The following ITPR2 variants were observed in gnomAD, a reference collection of about 807,000 sequenced individuals.
ITPR2 encodes inositol 1,4,5-trisphosphate receptor type 2.
In ITPR2, 207 loss-of-function variants were observed where a neutral mutation model predicts 317.1. The ratio of observed to expected loss-of-function variants is 0.65; its 90% CI spans 0.58 to 0.73. The LOEUF is 0.73. ITPR2 is among the 30% of genes least tolerant of loss of function. The pLI, the probability that ITPR2 is intolerant of heterozygous loss-of-function variation, is 0.00. For missense variants in ITPR2, 2,613 were observed against 3,284.0 expected (o/e 0.80, Z 4.99); for synonymous variants, 1,156 against 1,149.1 (o/e 1.01, Z -0.12).
At chr12:26,484,748 A>G (rs569536784) in intron 41 of ITPR2, among the ~76,000 whole-genome samples, 256 of 152,240 alleles carry the variant, frequency 1.7e-3, no homozygotes, top group African/African-American at 5.8e-3. Context: ...GTCTCACTCT[A>G]TCACCCAGGC....
At chr12:26,696,992 G>C (rs908066850) in intron 9 of ITPR2, among the ~76,000 whole-genome samples, 3 of 152,200 alleles carry the variant, frequency 2.0e-5, no homozygotes, top group African/African-American at 7.2e-5. Context: ...GAGAAGCATG[G>C]TGTGAAGAGA....
At chr12:26,401,710 C>G (rs530220634) in intron 52 of ITPR2, among the ~76,000 whole-genome samples, 1 of 152,324 alleles carries the variant, frequency 6.6e-6, no homozygotes, top group African/African-American at 2.4e-5. Context: ...AAGAACAATT[C>G]AGTCCAACTT....
intron 21 of ITPR2, chr12:26,648,952 G>C (rs751218367): frequency 3.3e-5 from 5 of 152,100 alleles, no homozygotes; most frequent in Non-Finnish European, 7.4e-5. Flanking sequence ...AGAGAACCCA[G>C]CTATAATATT....
chr12:26,631,853 T>C lies in ITPR2; in HGVS notation c.2934+13A>G. 6.2e-7 allele frequency: 1 copy of C among 1,611,114 alleles called. No individual in the cohort carries two copies. Among genetic ancestry groups the C allele is most frequent in the Non-Finnish European group, 8.5e-7 (1 of 1,178,222 alleles). Reference sequence around the variant, plus strand: ...TTACATCTTTGTCACCTAGCTTCTGTTAGGCAACACACCTGCAAAATCTCA... The same window carrying C: ...TTACATCTTTGTCACCTAGCTTCTGCTAGGCAACACACCTGCAAAATCTCA... On this transcript the variant is annotated intron_variant, in intron 22 of 56. Transcript: ENST00000381340.
chr12:26,709,223 T>C (rs1314082373), intron 9 of ITPR2, among the ~76,000 whole-genome samples: 1 of 152,238 alleles, frequency 6.6e-6, no homozygotes, highest in Non-Finnish European at 1.5e-5. Context: ...GTTACACTAG[T>C]TAAAATCAGT....
intron 13 of ITPR2, among the ~76,000 whole-genome samples, chr12:26,678,451 A>G (rs1314505912): frequency 2.0e-5 from 3 of 152,176 alleles, no homozygotes; most frequent in African/African-American, 7.2e-5. Flanking sequence ...CCAACAACAC[A>G]GGCTTTTTGA....
intron 26 of ITPR2, among the ~76,000 whole-genome samples, chr12:26,615,235 A>C (rs1591964058): frequency 6.6e-6 from 1 of 152,240 alleles, no homozygotes; most frequent in African/African-American, 2.4e-5. Flanking sequence ...GAGTTACCAC[A>C]TACAGACCAT....
At chr12:26,743,655 G>A (rs1489472508) in intron 2 of ITPR2, among the ~76,000 whole-genome samples, 2 of 152,122 alleles carry the variant, frequency 1.3e-5, no homozygotes, top group Admixed American at 6.5e-5. Flanking sequence ...CACTTTGGGA[G>A]GCCGAGGCGG....
chr12:26,351,631 G>A (rs1463663604), intron 55 of ITPR2, among the ~76,000 whole-genome samples: 1 of 152,026 alleles, frequency 6.6e-6, no homozygotes, highest in African/African-American at 2.4e-5. Flanking sequence ...CTCCAGCCTG[G>A]GTGACACGGT....
chr12:26,674,785 G>A (rs1227297298), intron 13 of ITPR2, among the ~76,000 whole-genome samples: 5 of 151,984 alleles, frequency 3.3e-5, no homozygotes, highest in Admixed American at 6.6e-5. Context: ...GAAAATTTTC[G>A]CAACCTACTC....
intron 9 of ITPR2, among the ~76,000 whole-genome samples, chr12:26,699,248 A>G (rs1948402088): frequency 6.6e-6 from 1 of 152,160 alleles, no homozygotes; most frequent in Admixed American, 6.5e-5. Context: ...GCCCTCTGAA[A>G]CTTAGATCAT....
At chr12:26,451,266 G>A (rs1399451641) in intron 45 of ITPR2, among the ~76,000 whole-genome samples, 1 of 151,920 alleles carries the variant, frequency 6.6e-6, no homozygotes, top group East Asian at 1.9e-4. Flanking sequence ...AGACTCTTGA[G>A]TACCCTGCAA....
At position 26,452,061 on chromosome 12, in the gene ITPR2, C is replaced by T. The variant is rs117074957; in HGVS notation, c.6343-8411G>A. Among the ~76,000 whole-genome samples, 575 of 152,168 alleles carry T rather than the reference C, an allele frequency of 3.8e-3. 3 individuals are homozygous for T. Among genetic ancestry groups the T allele is most frequent in the Admixed American group, 6.2e-3 (95 of 15,282 alleles). On this transcript the variant is annotated intron_variant, in intron 45 of 56. Transcript: ENST00000381340. The stretch of plus-strand genomic sequence containing the variant: ...TGTTAGAAATGCAAGTTCTCTGGCC[C>T]GACCTCAAGCCTCCCAAATCAGAAA...
At chr12:26,771,127 A>G (rs1949833682) in intron 2 of ITPR2, among the ~76,000 whole-genome samples, 1 of 152,162 alleles carries the variant, frequency 6.6e-6, no homozygotes, top group Non-Finnish European at 1.5e-5. Flanking sequence ...TGCATAGACC[A>G]TTTTTCCTAA....
At chr12:26,391,678 C>A (rs561785674) in intron 54 of ITPR2, among the ~76,000 whole-genome samples, 41 of 150,514 alleles carry the variant, frequency 2.7e-4, no homozygotes, top group Non-Finnish European at 5.2e-4. Context: ...GATTCTCCTG[C>A]CTCAGCCTCC....
rs1937971562 is a variant in ITPR2, at chr12:26,337,879, C to T, written c.*1518G>A. Reference sequence around the variant, plus strand: ...CAGTATGTGGAAGGATTGGTTCAGGCTTCCTTTATATTCTACATAGATCTT... The same window carrying T: ...CAGTATGTGGAAGGATTGGTTCAGGTTTCCTTTATATTCTACATAGATCTT... On this transcript the variant is annotated 3_prime_UTR_variant, in exon 57 of 57. Coordinates refer to ENST00000381340, the MANE Select transcript of ITPR2 (RefSeq NM_002223.4). The T allele has an allele frequency of 6.6e-6, 1 of 152,296 alleles. No individual in the cohort carries two copies. Among genetic ancestry groups the T allele is most frequent in the South Asian group, 2.1e-4 (1 of 4,816 alleles). 9.4% of individuals were successfully genotyped at this position (152,296 alleles called of 1,614,324 possible). A position where few individuals can be genotyped will look rare whatever the true frequency, so the allele number is the denominator to read the frequency against.
chr12:26,721,360 T>C (rs144379079), intron 5 of ITPR2: 3 of 603,194 alleles, frequency 5.0e-6, no homozygotes, highest in Admixed American at 2.3e-5. Flanking sequence ...ATTGAATTTG[T>C]ATTTCAAAAT....
chr12:26,751,490 C>A (rs752818267), intron 2 of ITPR2, among the ~76,000 whole-genome samples: 1 of 152,118 alleles, frequency 6.6e-6, no homozygotes, highest in Non-Finnish European at 1.5e-5. Flanking sequence ...AATTCATATT[C>A]TTTTTATTAC....
intron 48 of ITPR2, among the ~76,000 whole-genome samples, chr12:26,433,343 T>C (rs1464259204): frequency 1.3e-5 from 2 of 152,142 alleles, no homozygotes; most frequent in African/African-American, 4.8e-5. Flanking sequence ...CACCTGATGA[T>C]AGTGCACCAT....
Sources: allele counts gnomAD v4.1 joint callset (sites outside exome capture counted in the v4.1 genomes callset), GRCh38; gene constraint gnomAD v4.1.1; transcripts MANE v1.5; gene names NCBI Gene and HGNC (gene_info 2026-07-23, HGNC 2026-07-21).